The following BRME1 variants were observed in gnomAD, a reference collection of about 807,000 sequenced individuals.
The protein encoded by BRME1 is break repair meiotic recombinase recruitment factor 1.
BRME1 carries 31 observed loss-of-function variants against 52.6 expected under a neutral mutation model. The ratio of observed to expected loss-of-function variants is 0.59; its 90% CI spans 0.44 to 0.80. BRME1 has a LOEUF of 0.80. Among genes scored for constraint, BRME1 ranks in the 30% least tolerant of loss-of-function variants. The pLI is 0.00. For missense variants in BRME1, 804 were observed against 860.3 expected, an observed-to-expected ratio of 0.93 and a Z score of 0.82; for synonymous variants, 359 against 353.6, an observed-to-expected ratio of 1.02 and a Z score of -0.17.
At chr19:13,885,832 G>T in intron 7 of BRME1, 129 bp downstream of exon 7, 1 of 730,946 alleles carries the variant, frequency 1.4e-6, no homozygotes, top group Non-Finnish European at 2.3e-6. Flanking sequence ...ACAGGGCTCA[G>T]CTCCCCTGCT....
In BRME1 at chr19:13,882,859, G is replaced by T; in HGVS notation, c.1950C>A (p.Tyr650Ter). Residue 650 changes from tyrosine (Y) to a stop codon, truncating the protein, a stop_gained, in exon 9 of 9, where the codon TAC becomes TAA. Coordinates refer to ENST00000586783, the MANE Select transcript of BRME1 (RefSeq NM_001345843.2). LOFTEE classifies it low-confidence loss of function (END_TRUNC). Reference sequence around the variant, plus strand: ...GGATATTCCCAGGCCCCTTGGAAGGGTAAGGCAGGGGGGCTTTGCCTCCCA... The same window carrying T: ...GGATATTCCCAGGCCCCTTGGAAGGTTAAGGCAGGGGGGCTTTGCCTCCCA... Reference protein sequence around the residue: ...TKLGGKAPLPYPSKGPGNIPR... With the variant: ...TKLGGKAPLP 1 of 1,614,024 alleles carries T rather than the reference G, an allele frequency of 6.2e-7. No homozygotes were observed. The highest frequency in any genetic ancestry group is 1.1e-5 in the South Asian group (1 of 91,078).
chr19:13,890,926 A>G (rs892523081), intron 5 of BRME1, among the ~76,000 whole-genome samples: 2 of 151,976 alleles, frequency 1.3e-5, no homozygotes, highest in Admixed American at 1.3e-4. Flanking sequence ...AATAGTTGTC[A>G]CCACCCTGTT....
Position 13,882,610 on chromosome 19 carries a change from G to A in BRME1, c.*192C>T. On this transcript the variant is annotated 3_prime_UTR_variant, in exon 9 of 9. Coordinates refer to ENST00000586783, the MANE Select transcript of BRME1 (RefSeq NM_001345843.2). ...ACAGTTTCCCTCCCTGAAGCCAAGG[G>A]TGGCAAATGACCTTGACCCTGGCCA... is the stretch of plus-strand genomic sequence containing the variant. The A allele has an allele frequency of 1.5e-6, 1 of 664,806 alleles. No homozygotes were observed. The highest frequency in any genetic ancestry group is 2.1e-5 in the South Asian group (1 of 47,882). 41.2% of individuals were successfully genotyped at this position (664,806 alleles called of 1,614,324 possible). A position where few individuals can be genotyped will look rare whatever the true frequency, so the allele number is the denominator to read the frequency against.
chr19:13,902,315 G>T (rs569181487), intron 2 of BRME1, among the ~76,000 whole-genome samples: 1 of 152,062 alleles, frequency 6.6e-6, no homozygotes, highest in Non-Finnish European at 1.5e-5. Flanking sequence ...CTCCAGTCTG[G>T]GCAACAGAGT....
At chr19:13,886,905 C>G (rs1969070654) in intron 6 of BRME1, among the ~76,000 whole-genome samples, 1 of 151,994 alleles carries the variant, frequency 6.6e-6, no homozygotes. Context: ...GAGGTTGAGG[C>G]TGCAGTGAGC....
chr19:13,885,806 G>A lies in BRME1; in HGVS notation c.1763+155C>T, dbSNP rs575899342. ...CTCTGCTTTCGGGGAGCAGGGGAATGTATACAGTTTGAAAGACAGGGCTCA... is the reference window on the plus strand; with the variant it reads ...CTCTGCTTTCGGGGAGCAGGGGAATATATACAGTTTGAAAGACAGGGCTCA... On this transcript the variant is annotated intron_variant, in intron 7 of 8. Transcript: ENST00000586783. Among the ~76,000 whole-genome samples, 7 of 152,350 alleles carry A rather than the reference G, an allele frequency of 4.6e-5. No homozygotes were observed. The South Asian group carries it at 1.4e-3, about 32-fold the overall frequency.
intron 2 of BRME1, among the ~76,000 whole-genome samples, chr19:13,899,447 G>A (rs1452192376): frequency 2.0e-5 from 3 of 152,032 alleles, no homozygotes; most frequent in Non-Finnish European, 2.9e-5. Flanking sequence ...CATGGCGCAC[G>A]GTAAGTTGCT....
Position 13,904,869 on chromosome 19 carries a change from C to T in BRME1, c.24G>A (p.Arg8=), listed in dbSNP as rs1178596198. The T allele has an allele frequency of 1.9e-6, 3 of 1,613,754 alleles. No homozygotes were observed. Among genetic ancestry groups the T allele is most frequent in the Non-Finnish European group, 2.5e-6 (3 of 1,179,900 alleles). MTKRKKL[R]TSGEGLCPPK... The stretch of plus-strand genomic sequence containing the variant: ...CCATTTGAATGAACGTACCTGAGGT[C>T]CGCAGCTTCTTCCTCTTAGTCATTT... Residue 8 remains arginine (R), a synonymous_variant, in exon 2 of 9, where the codon CGG becomes CGA. Transcript: ENST00000586783.
chr19:13,895,716 G>A (rs1302371043), intron 2 of BRME1, among the ~76,000 whole-genome samples, 170 bp from the exon 3 acceptor site: 1 of 152,166 alleles, frequency 6.6e-6, no homozygotes, highest in Non-Finnish European at 1.5e-5. Context: ...CACTGTTGGT[G>A]CTCAATAAAT....
chr19:13,900,014 A>G (rs1970193789), intron 2 of BRME1, among the ~76,000 whole-genome samples: 1 of 152,044 alleles, frequency 6.6e-6, no homozygotes, highest in Non-Finnish European at 1.5e-5. Flanking sequence ...AAGAAACACG[A>G]CCTTGTGGTC....
chr19:13,897,353 T>C (rs1225846583), intron 2 of BRME1, among the ~76,000 whole-genome samples: 1 of 151,706 alleles, frequency 6.6e-6, no homozygotes, highest in Non-Finnish European at 1.5e-5. Flanking sequence ...AAACTTTCAA[T>C]AGTGGCTGGC....
chr19:13,886,301 C>T (rs78167102), intron 6 of BRME1, among the ~76,000 whole-genome samples: 3,836 of 152,322 alleles, frequency 0.025, 72 homozygotes, highest in Non-Finnish European at 0.036. Context: ...CACAGCCAAC[C>T]CTGGTGTCCG....
At chr19:13,891,798 C>G (rs545525536) in intron 5 of BRME1, among the ~76,000 whole-genome samples, 1 of 150,172 alleles carries the variant, frequency 6.7e-6, no homozygotes, top group Non-Finnish European at 1.5e-5. Context: ...GTAGCCTGGA[C>G]GCAGTGGCTC....
At chr19:13,884,259 G>T (rs1968839786) in intron 7 of BRME1, among the ~76,000 whole-genome samples, 4 of 152,192 alleles carry the variant, frequency 2.6e-5, no homozygotes, top group African/African-American at 9.7e-5. Context: ...AGGATCAGTT[G>T]AGCCTGGGAG....
intron 2 of BRME1, among the ~76,000 whole-genome samples, chr19:13,899,057 A>G (rs1034546954): frequency 2.0e-5 from 3 of 151,852 alleles, no homozygotes; most frequent in Non-Finnish European, 4.4e-5. Flanking sequence ...CTCGACGCCA[A>G]TTGCTAGGGT....
At position 13,882,786 on chromosome 19, in the gene BRME1, C is replaced by G. The variant is rs1477879468; in HGVS notation, c.*16G>C. 1 of 1,613,146 alleles carries G rather than the reference C, an allele frequency of 6.2e-7. No homozygotes were observed. Among genetic ancestry groups the G allele is most frequent in the South Asian group, 1.1e-5 (1 of 91,054 alleles). On this transcript the variant is annotated 3_prime_UTR_variant, in exon 9 of 9. Transcript: ENST00000586783. The stretch of plus-strand genomic sequence containing the variant: ...TGGGGGCTGGGTGGCAAAGGAAACA[C>G]AGACCTCAAAGTGGCCTACAACTCC...
intron 6 of BRME1, 148 bp from the exon 7 acceptor site, chr19:13,886,203 G>A: frequency 3.1e-6 from 2 of 638,078 alleles, no homozygotes; most frequent in South Asian, 1.9e-5. Flanking sequence ...CAGAGGAAGA[G>A]CGGTAACGGG....
rs1969602775 is a variant in BRME1 at position 13,892,841 on chromosome 19, A to T, written c.338T>A (p.Val113Glu). 3.1e-6 allele frequency: 5 copies of T among 1,614,156 alleles called. No individual in the cohort carries two copies. Among genetic ancestry groups the T allele is most frequent in the Non-Finnish European group, 4.2e-6 (5 of 1,180,002 alleles). ...ATCCTTCATCTCTTCTTTTCTTGTC[A>T]CTGTCTTCCTGGATTTTGCAAACTG... is the stretch of plus-strand genomic sequence containing the variant. Reference protein sequence around the residue: ...VPQFAKSRKTVTRKEEMKDED... With the variant: ...VPQFAKSRKTETRKEEMKDED... Residue 113 changes from valine to glutamate, a missense_variant, in exon 5 of 9, where the codon GTG (valine) becomes GAG (glutamate). Val to Glu is a moderately radical substitution (Grantham distance 121). Coordinates refer to ENST00000586783, the MANE Select transcript of BRME1 (RefSeq NM_001345843.2).
Position 13,882,451 on chromosome 19 carries a change from G to T in BRME1, c.*351C>A. The stretch of plus-strand genomic sequence containing the variant: ...GGGAGCTCTCTTCTCCTCCAGGAAA[G>T]AAACAAATTCTGAACCATCCATACT... On this transcript the variant is annotated 3_prime_UTR_variant, in exon 9 of 9. Coordinates refer to ENST00000586783, the MANE Select transcript of BRME1 (RefSeq NM_001345843.2). 4.8e-6 allele frequency: 2 copies of T among 413,992 alleles called. No individual in the cohort carries two copies. Among genetic ancestry groups the T allele is most frequent in the Non-Finnish European group, 4.3e-6 (1 of 235,272 alleles). The allele number at this position is 413,992 out of a possible 1,614,324, so 25.6% of individuals were successfully genotyped here. A position where few individuals can be genotyped will look rare whatever the true frequency, so the allele number is the denominator to read the frequency against.
Sources: allele counts gnomAD v4.1 joint callset (sites outside exome capture counted in the v4.1 genomes callset), GRCh38; gene constraint gnomAD v4.1.1; transcripts MANE v1.5; gene names NCBI Gene and HGNC (gene_info 2026-07-23, HGNC 2026-07-21).